The following NOL10 variants were observed in gnomAD, a reference collection of about 807,000 sequenced individuals.
The protein encoded by NOL10 is nucleolar protein 10, also known as H_NH0074G24.1.
NOL10 carries 58 observed loss-of-function variants against 103.5 expected under a neutral mutation model. The observed-to-expected ratio is 0.56, with a 90% confidence interval of 0.45 to 0.70. The LOEUF (loss-of-function observed/expected upper bound fraction) is 0.70. NOL10 is among the 30% of genes least tolerant of loss of function. The pLI, the probability that NOL10 is intolerant of heterozygous loss-of-function variation, is 0.00. For missense variants in NOL10, 763 were observed against 807.3 expected, an observed-to-expected ratio of 0.95 and a Z score of 0.67; for synonymous variants, 287 against 282.5, an observed-to-expected ratio of 1.02 and a Z score of -0.16.
intron 13 of NOL10, among the ~76,000 whole-genome samples, chr2:10,615,699 C>G (rs1316433530): frequency 2.6e-5 from 4 of 152,110 alleles, no homozygotes; most frequent in Non-Finnish European, 1.5e-5. Flanking sequence ...CAGAGGTGAA[C>G]AGCAAAGAGA....
At chr2:10,653,132 T>C (rs1679590095) in intron 12 of NOL10, among the ~76,000 whole-genome samples, 1 of 151,168 alleles carries the variant, frequency 6.6e-6, no homozygotes. Flanking sequence ...GGAGAAGAGG[T>C]TGCAATGAGC....
At chr2:10,669,632 G>A (rs1363539063) in intron 6 of NOL10, among the ~76,000 whole-genome samples, 12 of 150,958 alleles carry the variant, frequency 7.9e-5, no homozygotes, top group Admixed American at 7.3e-4. Flanking sequence ...GGTGGCTCAC[G>A]CCTGTAATCC....
At chr2:10,614,804 TATAA>T (rs1295883920) in intron 13 of NOL10, among the ~76,000 whole-genome samples, 1 of 152,244 alleles carries the variant, frequency 6.6e-6, no homozygotes, top group Non-Finnish European at 1.5e-5. Context: ...ATAGATATAC[TATAA>T]ATATCACTGA....
rs1334715081 is a variant in NOL10, at chr2:10,631,915, T to C, written c.1026+12405A>G. Among the ~76,000 whole-genome samples the C allele has an allele frequency of 2.0e-5, 3 of 152,180 alleles. No individual in the cohort carries two copies. In the East Asian group the frequency reaches 5.8e-4, roughly 29 times the overall value. On this transcript the variant is annotated intron_variant, in intron 13 of 20. Transcript: ENST00000381685. ...TTTTAGTAGAGACGGGGTTTCTCCA[T>C]GTTGGTCAGGCTGGTCTCAAACTCC...
At chr2:10,684,190 T>G (rs1007675266) in intron 2 of NOL10, among the ~76,000 whole-genome samples, 1 of 151,442 alleles carries the variant, frequency 6.6e-6, no homozygotes, top group African/African-American at 2.4e-5. Flanking sequence ...GCAGGAGAAC[T>G]GCTTGAATCC....
intron 17 of NOL10, among the ~76,000 whole-genome samples, chr2:10,597,465 C>T (rs940806708): frequency 2.0e-5 from 3 of 152,156 alleles, no homozygotes. Context: ...TAATGATCTG[C>T]TGATGAGACT....
intron 13 of NOL10, among the ~76,000 whole-genome samples, chr2:10,614,801 T>C (rs1027495450): frequency 1.3e-5 from 2 of 152,240 alleles, no homozygotes; most frequent in East Asian, 1.9e-4. Flanking sequence ...AATATAGATA[T>C]ACTATAAATA....
intron 12 of NOL10, among the ~76,000 whole-genome samples, chr2:10,647,191 A>ATG (rs59751761): frequency 0.016 from 2,424 of 152,178 alleles, 61 homozygotes; most frequent in African/African-American, 0.055. Flanking sequence ...AGTGTATAGT[A>ATG]CGCTGTAATA....
At chr2:10,667,343 TTAAA>T (rs769746213) in intron 7 of NOL10, 65 bp from the exon 8 acceptor site, 23 of 1,161,762 alleles carry the variant, frequency 2.0e-5, no homozygotes, top group Admixed American at 8.0e-5. Context: ...GGAAGGAATA[TTAAA>T]TAAATAAACA....
chr2:10,631,749 C>T (rs1015726593), intron 13 of NOL10, among the ~76,000 whole-genome samples: 1 of 150,270 alleles, frequency 6.7e-6, no homozygotes, highest in African/African-American at 2.5e-5. Flanking sequence ...GAGTTTCGCT[C>T]GTTTGCCCAG....
At chr2:10,625,179 G>A (rs1364572933) in intron 13 of NOL10, among the ~76,000 whole-genome samples, 2 of 152,168 alleles carry the variant, frequency 1.3e-5, no homozygotes, top group Non-Finnish European at 2.9e-5. Context: ...ACTATTCTAT[G>A]TGATATTATG....
chr2:10,666,629 AT>A (rs1382425286), intron 8 of NOL10, among the ~76,000 whole-genome samples: 1 of 152,062 alleles, frequency 6.6e-6, no homozygotes, highest in Non-Finnish European at 1.5e-5. Flanking sequence ...TGGCCTGTAA[AT>A]TTTTTTAAAA....
chr2:10,572,280 C>T, intron 20 of NOL10, 90 bp from the exon 21 acceptor site: 4 of 1,386,754 alleles, frequency 2.9e-6, no homozygotes, highest in South Asian at 2.4e-5. Context: ...AGTACCACCA[C>T]CAATCTCAGA....
chr2:10,672,471 T>C (rs758382116), intron 5 of NOL10, among the ~76,000 whole-genome samples: 12 of 152,198 alleles, frequency 7.9e-5, no homozygotes, highest in Non-Finnish European at 1.6e-4. Context: ...TTTGTCAGTA[T>C]TTAGAGAAAA....
chr2:10,668,655 C>CA lies in NOL10; in HGVS notation c.530+2dup. On this transcript the variant is annotated splice_region_variant and intron_variant, in intron 7 of 20. Transcript: ENST00000381685. Reference sequence around the variant, plus strand: ...ATATAGCAGAATTACTAAAACTACTCACGCAGCATCAGTTTGTAGAGGATT... The same window carrying CA: ...ATATAGCAGAATTACTAAAACTACTCAACGCAGCATCAGTTTGTAGAGGATT... 1 of 1,501,216 alleles carries CA rather than the reference C, an allele frequency of 6.7e-7. No homozygotes were observed. Among genetic ancestry groups the CA allele is most frequent in the South Asian group, 1.2e-5 (1 of 80,812 alleles). The allele number at this position is 1,501,216 out of a possible 1,614,324, so 93.0% of individuals were successfully genotyped here.
rs777976089 is a variant in NOL10, at chr2:10,589,115, T to C, written c.1772A>G (p.Gln591Arg). ...KEDQQTVLKPQFYEIKAGEEF... is the reference protein window; with the variant it reads ...KEDQQTVLKPRFYEIKAGEEF... ...TTCTCCTGCTTTGATCTCATAAAACTGGGGCTTTAGGACTGTCTGCTGGTC... is the reference window on the plus strand; with the variant it reads ...TTCTCCTGCTTTGATCTCATAAAACCGGGGCTTTAGGACTGTCTGCTGGTC... Residue 591 changes from glutamine (Q) to arginine (R), a missense_variant, in exon 19 of 21, where the codon CAG (glutamine) becomes CGG (arginine). Coordinates refer to ENST00000381685, the MANE Select transcript of NOL10 (RefSeq NM_024894.4). The C allele has an allele frequency of 6.2e-7, 1 of 1,614,058 alleles. No homozygotes were observed. Among genetic ancestry groups the C allele is most frequent in the Admixed American group, 1.7e-5 (1 of 60,026 alleles).
At chr2:10,581,275 T>C (rs1205925452) in intron 19 of NOL10, among the ~76,000 whole-genome samples, 1 of 66,268 alleles carries the variant, frequency 1.5e-5, no homozygotes, top group Non-Finnish European at 4.1e-5. Context: ...GGCAGTCTCT[T>C]ATCGCATACC....
chr2:10,689,928 G>A lies in NOL10; in HGVS notation c.-67C>T, dbSNP rs935435808. The A allele has an allele frequency of 7.5e-5, 110 of 1,471,436 alleles. No individual in the cohort carries two copies. Among genetic ancestry groups the A allele is most frequent in the Admixed American group, 3.3e-4 (17 of 51,018 alleles). 91.1% of individuals were successfully genotyped at this position (1,471,436 alleles called of 1,614,324 possible). A position where few individuals can be genotyped will look rare whatever the true frequency, so the allele number is the denominator to read the frequency against. Reference sequence around the variant, plus strand: ...CAGCGTGCTCGAGCACCGTAATCCCGGGACCTCCGAGCCCCTGCTCCGCGG... The same window carrying A: ...CAGCGTGCTCGAGCACCGTAATCCCAGGACCTCCGAGCCCCTGCTCCGCGG... On this transcript the variant is annotated 5_prime_UTR_variant, in exon 1 of 21. Transcript: ENST00000381685.
intron 13 of NOL10, among the ~76,000 whole-genome samples, chr2:10,619,730 A>G (rs1159159374): frequency 6.6e-6 from 1 of 152,154 alleles, no homozygotes; most frequent in Non-Finnish European, 1.5e-5. Context: ...TTCAAAGTCC[A>G]CTGTTAGCTG....
Sources: gnomAD v4.1 joint callset for allele counts (sites outside exome capture counted in the v4.1 genomes callset) on GRCh38, gnomAD v4.1.1 for gene constraint, MANE v1.5 for transcripts, NCBI Gene and HGNC (gene_info 2026-07-23, HGNC 2026-07-21) for gene names.